The following MAP3K2 variants were observed in gnomAD, a reference collection of about 807,000 sequenced individuals.
The protein encoded by MAP3K2 is mitogen-activated protein kinase kinase kinase 2.
MAP3K2 carries 24 observed loss-of-function variants against 80.3 expected under a neutral mutation model. The ratio of observed to expected loss-of-function variants is 0.30; its 90% CI spans 0.22 to 0.42. The LOEUF (loss-of-function observed/expected upper bound fraction) is 0.42, where lower values mean the gene tolerates loss of function less well. MAP3K2 is among the 10% of genes least tolerant of loss of function. MAP3K2 has a pLI of 1.00. For synonymous variants in MAP3K2, 244 were observed against 253.7 expected (o/e 0.96, Z 0.36); for missense variants, 608 against 750.1 (o/e 0.81, Z 2.21).
rs778632379 is a variant in MAP3K2 at position 127,370,959 on chromosome 2, TG to T, written c.-66+16492del. Among the ~76,000 whole-genome samples, 11 of 152,310 alleles carry T rather than the reference TG, an allele frequency of 7.2e-5. No individual in the cohort carries two copies. The South Asian group carries it at 1.5e-3, about 20-fold the overall frequency. ...GAAAAGACAAGGGATATGCTACAGC[TG>T]GGGGACCCTGTCTTAAGCAAGTGGC... On this transcript the variant is annotated intron_variant, in intron 1 of 16. Coordinates refer to ENST00000682094, the MANE Select transcript of MAP3K2 (RefSeq NM_001371910.2).
rs1196206277 is a variant in MAP3K2 at position 127,302,910 on chromosome 2, G to A, written c.*4669C>T. The A allele has an allele frequency of 1.3e-5, 2 of 151,894 alleles. No homozygotes were observed. The highest frequency in any genetic ancestry group is 3.9e-4 in the East Asian group (2 of 5,182). The allele number at this position is 151,894 out of a possible 1,614,324, so 9.4% of individuals were successfully genotyped here. ...TATTTATTTATTTTTTTAAAAAGGAGGTAGAAAAGGGTAGGAGGAGGCAGG... is the reference window on the plus strand; with the variant it reads ...TATTTATTTATTTTTTTAAAAAGGAAGTAGAAAAGGGTAGGAGGAGGCAGG... On this transcript the variant is annotated 3_prime_UTR_variant, in exon 17 of 17. Transcript: ENST00000682094.
intron 1 of MAP3K2, among the ~76,000 whole-genome samples, chr2:127,365,260 AGAG>A (rs1686952702): frequency 6.6e-6 from 1 of 151,694 alleles, no homozygotes; most frequent in South Asian, 2.1e-4. Flanking sequence ...CCTGTTTCAC[AGAG>A]GAGGAAGTGG....
Position 127,362,303 on chromosome 2 carries a change from G to A in MAP3K2, c.-65-19109C>T, listed in dbSNP as rs117442851. On this transcript the variant is annotated intron_variant, in intron 1 of 16. Transcript: ENST00000682094. ...TAATATGGAGATTTATGGCATAATA[G>A]TATCTCAAGATTGCTATGGAAGTTA... is the stretch of plus-strand genomic sequence containing the variant. 1.4e-3 allele frequency among the ~76,000 whole-genome samples: 218 copies of A among 152,298 alleles called. 3 individuals are homozygous for A. In the East Asian group the frequency reaches 0.037, roughly 26 times the overall value.
intron 1 of MAP3K2, among the ~76,000 whole-genome samples, chr2:127,345,807 T>C (rs1686586030): frequency 6.6e-6 from 1 of 151,886 alleles, no homozygotes; most frequent in Non-Finnish European, 1.5e-5. Flanking sequence ...AATTAGAAAA[T>C]ACTTTGAGAT....
chr2:127,344,451 A>C (rs1199415202), intron 1 of MAP3K2, among the ~76,000 whole-genome samples: 1 of 151,212 alleles, frequency 6.6e-6, no homozygotes, highest in Non-Finnish European at 1.5e-5. Flanking sequence ...GGAGTTTGAG[A>C]CCAGCCTGGG....
chr2:127,326,519 A>G (rs563520891), intron 8 of MAP3K2, among the ~76,000 whole-genome samples, 168 bp downstream of exon 8: 1 of 152,324 alleles, frequency 6.6e-6, no homozygotes, highest in South Asian at 2.1e-4. Flanking sequence ...TTATACAGGC[A>G]CATGTAAATT....
intron 1 of MAP3K2, among the ~76,000 whole-genome samples, chr2:127,381,678 C>G (rs1262208145): frequency 1.3e-5 from 2 of 152,196 alleles, no homozygotes. Flanking sequence ...TACTTGCTGA[C>G]TGCAGTGAGA....
At chr2:127,374,717 A>G (rs1196839165) in intron 1 of MAP3K2, among the ~76,000 whole-genome samples, 1 of 152,210 alleles carries the variant, frequency 6.6e-6, no homozygotes, top group Non-Finnish European at 1.5e-5. Flanking sequence ...TCCACCCGAT[A>G]TGTCATTAAA....
intron 1 of MAP3K2, among the ~76,000 whole-genome samples, chr2:127,352,707 C>CCTCCCT (rs1686713255): frequency 6.6e-6 from 1 of 151,934 alleles, no homozygotes; most frequent in African/African-American, 2.4e-5. Flanking sequence ...CCTCCCCCTC[C>CCTCCCT]CTCCCTCTCC....
At chr2:127,311,852 C>T (rs2104807564) in intron 15 of MAP3K2, among the ~76,000 whole-genome samples, 1 of 152,216 alleles carries the variant, frequency 6.6e-6, no homozygotes, top group South Asian at 2.1e-4. Flanking sequence ...ACTGATAAAT[C>T]TTCTAAGTCT....
intron 1 of MAP3K2, among the ~76,000 whole-genome samples, chr2:127,366,563 T>C (rs940308309): frequency 1.3e-5 from 2 of 152,152 alleles, no homozygotes; most frequent in African/African-American, 4.8e-5. Context: ...CCATTTGAAG[T>C]AAGGAAGCTT....
chr2:127,364,995 G>A lies in MAP3K2; in HGVS notation c.-65-21801C>T, dbSNP rs1467118938. 6.6e-6 allele frequency among the ~76,000 whole-genome samples: 1 copy of A among 151,684 alleles called. No homozygotes were observed. The highest frequency in any genetic ancestry group is 1.5e-5 in the Non-Finnish European group (1 of 67,910). On this transcript the variant is annotated intron_variant, in intron 1 of 16. Coordinates refer to ENST00000682094, the MANE Select transcript of MAP3K2 (RefSeq NM_001371910.2). The surrounding 1 kb of genome is among the most constrained non-coding windows in gnomAD (Gnocchi z 4.1). The stretch of plus-strand genomic sequence containing the variant: ...CTACAAAAATTAGCCGGGTGTGGTG[G>A]CACATGCCTGTAATCCCTGCTACTT...
At chr2:127,376,377 T>C (rs1687152125) in intron 1 of MAP3K2, among the ~76,000 whole-genome samples, 1 of 152,194 alleles carries the variant, frequency 6.6e-6, no homozygotes, top group Admixed American at 6.5e-5. Context: ...CTCAAGGCCT[T>C]TGTCATTAAA....
At chr2:127,318,393 T>G in intron 12 of MAP3K2, 76 bp from the exon 13 acceptor site, 2 of 1,101,066 alleles carry the variant, frequency 1.8e-6, no homozygotes, top group South Asian at 3.0e-5. Context: ...ATGAGCATAC[T>G]GCATTAGTGA....
In MAP3K2 at chr2:127,318,775, C is replaced by A. The variant is rs182056527; in HGVS notation, c.1046-458G>T. On this transcript the variant is annotated intron_variant, in intron 12 of 16. Transcript: ENST00000682094. The stretch of plus-strand genomic sequence containing the variant: ...AATTTAACTTTTGTTGAACACATAT[C>A]AAAAAACTAAGATTGCAGGGCAACC... 8.3e-4 allele frequency among the ~76,000 whole-genome samples: 127 copies of A among 152,210 alleles called. 1 individual carries two copies. The highest frequency in any genetic ancestry group is 2.8e-3 in the African/African-American group (115 of 41,542).
intron 14 of MAP3K2, among the ~76,000 whole-genome samples, chr2:127,316,702 T>C (rs1199480864): frequency 1.3e-5 from 2 of 152,196 alleles, no homozygotes; most frequent in Non-Finnish European, 2.9e-5. Context: ...GCTCTTTGCA[T>C]TGCTACAGTG....
intron 7 of MAP3K2, among the ~76,000 whole-genome samples, chr2:127,328,252 G>A (rs560916028): frequency 6.6e-6 from 1 of 152,208 alleles, no homozygotes; most frequent in African/African-American, 2.4e-5. Flanking sequence ...TCCAGCCTGG[G>A]TGACGGAGTG....
In MAP3K2 at chr2:127,310,960, T is replaced by G. The variant is rs1685797242; in HGVS notation, c.1457-2198A>C. 6.6e-6 allele frequency among the ~76,000 whole-genome samples: 1 copy of G among 152,196 alleles called. No homozygotes were observed. The highest frequency in any genetic ancestry group is 2.4e-5 in the African/African-American group (1 of 41,436). ...TAACCATATTTTATATTACAAAGAT[T>G]CATTTTCTTGGTTCTCTTACCCTTT... is the stretch of plus-strand genomic sequence containing the variant. On this transcript the variant is annotated intron_variant, in intron 15 of 16. Transcript: ENST00000682094. This position sits in a 1 kb window ranked among gnomAD's most constrained non-coding sequence, Gnocchi z 4.8.
chr2:127,350,454 CAAAAAAA>C (rs752516255), intron 1 of MAP3K2, among the ~76,000 whole-genome samples: 8 of 99,426 alleles, frequency 8.0e-5, no homozygotes, highest in African/African-American at 1.6e-4. Flanking sequence ...AAAACAAAAA[CAAAAAAA>C]AAAAAAAAAA....
Sources: allele counts gnomAD v4.1 joint callset (sites outside exome capture counted in the v4.1 genomes callset), GRCh38; gene constraint gnomAD v4.1.1; non-coding constraint Gnocchi (gnomAD v3.1); transcripts MANE v1.5; gene names NCBI Gene and HGNC (gene_info 2026-07-23, HGNC 2026-07-21).